The following PDZD2 variants were observed in gnomAD, a reference collection of about 807,000 sequenced individuals.
The protein encoded by PDZD2 is PDZ domain containing 2, also known as PDZ domain-containing protein 2.
PDZD2 carries 90 observed loss-of-function variants against 220.7 expected under a neutral mutation model. That is an observed-to-expected ratio of 0.41 (90% CI 0.34 to 0.49). The LOEUF (loss-of-function observed/expected upper bound fraction) is 0.49. PDZD2 is among the 20% of genes least tolerant of loss of function. The pLI, the probability that PDZD2 is intolerant of heterozygous loss-of-function variation, is 0.28. For missense variants in PDZD2, 3,174 were observed against 3,608.5 expected (o/e 0.88, Z 3.08); for synonymous variants, 1,375 against 1,450.5 (o/e 0.95, Z 1.18).
chr5:32,054,817 A>G (rs1024724773), intron 10 of PDZD2, among the ~76,000 whole-genome samples: 3 of 152,158 alleles, frequency 2.0e-5, no homozygotes, highest in Admixed American at 6.5e-5. Context: ...CACATATTCA[A>G]TTATTTCACT....
In PDZD2 at chr5:31,950,802, T is replaced by C. The variant is rs544361348; in HGVS notation, c.477-32353T>C. The stretch of plus-strand genomic sequence containing the variant: ...TCCCCAGTCTCTGGCAACCATGATA[T>C]ATACTCTCTTCCTATTTTGCCTTTT... On this transcript the variant is annotated intron_variant, in intron 2 of 24. Coordinates refer to ENST00000438447, the MANE Select transcript of PDZD2 (RefSeq NM_178140.4). Among the ~76,000 whole-genome samples, 7 of 152,332 alleles carry C rather than the reference T, an allele frequency of 4.6e-5. No individual in the cohort carries two copies. The East Asian group carries it at 9.6e-4, about 21-fold the overall frequency.
intron 1 of PDZD2, among the ~76,000 whole-genome samples, chr5:31,749,533 C>T (rs1438826722): frequency 1.3e-5 from 2 of 151,940 alleles, no homozygotes; most frequent in Admixed American, 6.6e-5. Context: ...AAGTGATTCT[C>T]CTGCCTCAGC....
intron 2 of PDZD2, among the ~76,000 whole-genome samples, chr5:31,936,893 G>A (rs950126782): frequency 2.6e-5 from 4 of 152,118 alleles, no homozygotes; most frequent in Non-Finnish European, 4.4e-5. Flanking sequence ...GCCTCTGCTC[G>A]GCTTCTAAGT....
At chr5:31,640,087 C>T (rs1373220936) in intron 1 of PDZD2, among the ~76,000 whole-genome samples, 2 of 152,056 alleles carry the variant, frequency 1.3e-5, no homozygotes, top group Non-Finnish European at 2.9e-5. Flanking sequence ...CCCTCTGTTC[C>T]TCTCTCCCTC....
At chr5:31,933,431 G>C (rs1361043791) in intron 2 of PDZD2, among the ~76,000 whole-genome samples, 2 of 152,088 alleles carry the variant, frequency 1.3e-5, no homozygotes, top group East Asian at 3.9e-4. Flanking sequence ...TCTGCTTTCG[G>C]TTCTTGGGTT....
chr5:31,906,775 G>A (rs184191088), intron 2 of PDZD2, among the ~76,000 whole-genome samples: 15 of 152,176 alleles, frequency 9.9e-5, no homozygotes, highest in African/African-American at 2.6e-4. Flanking sequence ...CCCAGCAGGC[G>A]GAAGTTCCAG....
At position 31,914,947 on chromosome 5, in the gene PDZD2, G is replaced by A. The variant is rs562733311; in HGVS notation, c.477-68208G>A. 1.5e-4 allele frequency among the ~76,000 whole-genome samples: 23 copies of A among 152,298 alleles called. No homozygotes were observed. The Middle Eastern group carries it at 0.01, about 68-fold the overall frequency. ...CCTGGCGGGGACTAGTGTATACAGAGGTTAAGTTCAGCAAAATGTAGGGGG... is the reference window on the plus strand; with the variant it reads ...CCTGGCGGGGACTAGTGTATACAGAAGTTAAGTTCAGCAAAATGTAGGGGG... On this transcript the variant is annotated intron_variant, in intron 2 of 24. Coordinates refer to ENST00000438447, the MANE Select transcript of PDZD2 (RefSeq NM_178140.4).
chr5:31,715,460 T>C (rs1748391840), intron 1 of PDZD2, among the ~76,000 whole-genome samples: 1 of 152,208 alleles, frequency 6.6e-6, no homozygotes, highest in African/African-American at 2.4e-5. Flanking sequence ...CAGGATCTAT[T>C]TTGTGATCAT....
At chr5:31,803,724 C>T (rs571023100) in intron 2 of PDZD2, among the ~76,000 whole-genome samples, 14 of 152,042 alleles carry the variant, frequency 9.2e-5, no homozygotes, top group Middle Eastern at 3.4e-3. Context: ...GTTCAAGACT[C>T]CAAATCTCAG....
At chr5:32,058,331 C>T (rs984582344) in intron 12 of PDZD2, among the ~76,000 whole-genome samples, 4 of 150,002 alleles carry the variant, frequency 2.7e-5, no homozygotes, top group Non-Finnish European at 5.9e-5. Context: ...AAGCTCTCCC[C>T]ATGAATCACT....
chr5:31,665,932 G>A lies in PDZD2; in HGVS notation c.-361+26495G>A, dbSNP rs553848470. Among the ~76,000 whole-genome samples, 4 of 152,338 alleles carry A rather than the reference G, an allele frequency of 2.6e-5. No individual in the cohort carries two copies. In the South Asian group the frequency reaches 8.3e-4, roughly 32 times the overall value. ...GGCAGGGGAGCCATAAGGTGATAGG[G>A]AAGTGAGGACGGGACCTCATTCATT... On this transcript the variant is annotated intron_variant, in intron 1 of 24. Transcript: ENST00000438447.
chr5:32,051,060 C>T (rs1257921147), intron 8 of PDZD2, among the ~76,000 whole-genome samples: 3 of 152,102 alleles, frequency 2.0e-5, no homozygotes, highest in Non-Finnish European at 2.9e-5. Context: ...CTAGAAAGTT[C>T]AAGGAGATCC....
At chr5:31,734,615 A>T (rs1453018411) in intron 1 of PDZD2, among the ~76,000 whole-genome samples, 1 of 152,086 alleles carries the variant, frequency 6.6e-6, no homozygotes, top group African/African-American at 2.4e-5. Flanking sequence ...CACCATGCCT[A>T]GCCCATTTTG....
intron 13 of PDZD2, among the ~76,000 whole-genome samples, chr5:32,059,660 C>T (rs1264069438): frequency 6.6e-6 from 1 of 152,124 alleles, no homozygotes; most frequent in Non-Finnish European, 1.5e-5. Flanking sequence ...ATGATTAGCT[C>T]AATATTTTCT....
In PDZD2 at chr5:32,025,591, C is replaced by CTTTTTTTTTT. The variant is rs70957998; in HGVS notation, c.1408-11621_1408-11612dup. 4.0e-3 allele frequency among the ~76,000 whole-genome samples: 267 copies of CTTTTTTTTTT among 67,522 alleles called. 36 individuals carry two copies. Among genetic ancestry groups the CTTTTTTTTTT allele is most frequent in the African/African-American group, 0.013 (194 of 15,244 alleles). The allele number at this position is 67,522 out of a possible 152,430, so 44.3% of individuals were successfully genotyped here. Reference sequence around the variant, plus strand: ...AGTGAGCCCAAATGTAACCATGATGCTTTTTTTTTTTTTTTTTTTTTTTTT... The same window carrying CTTTTTTTTTT: ...AGTGAGCCCAAATGTAACCATGATGCTTTTTTTTTTTTTTTTTTTTTTTTTTTTTTTTTTT... On this transcript the variant is annotated intron_variant, in intron 6 of 24. Transcript: ENST00000438447.
chr5:32,067,322 C>CA (rs200579256), intron 14 of PDZD2, among the ~76,000 whole-genome samples: 162 of 151,530 alleles, frequency 1.1e-3, no homozygotes, highest in Admixed American at 3.2e-3. Context: ...TTCTCCTAGT[C>CA]AAAAAAAACA....
intron 18 of PDZD2, among the ~76,000 whole-genome samples, chr5:32,075,745 GA>G (rs1741225765): frequency 1.3e-5 from 2 of 152,134 alleles, no homozygotes; most frequent in Non-Finnish European, 2.9e-5. Context: ...CAAAGAATCT[GA>G]GATGACTTAT....
chr5:32,060,043 T>C (rs1049363910), intron 13 of PDZD2, among the ~76,000 whole-genome samples: 1 of 152,238 alleles, frequency 6.6e-6, no homozygotes, highest in Non-Finnish European at 1.5e-5. Flanking sequence ...AGTTTCATCT[T>C]TCTGCCCTGT....
chr5:31,765,554 A>G (rs1376141911), intron 1 of PDZD2, among the ~76,000 whole-genome samples: 1 of 152,210 alleles, frequency 6.6e-6, no homozygotes, highest in Non-Finnish European at 1.5e-5. Context: ...AGCTCGGGAA[A>G]ATATGGCTCT....
Sources: gnomAD v4.1 joint callset for allele counts (sites outside exome capture counted in the v4.1 genomes callset) on GRCh38, gnomAD v4.1.1 for gene constraint, MANE v1.5 for transcripts, NCBI Gene and HGNC (gene_info 2026-07-23, HGNC 2026-07-21) for gene names.